The following MRPL32 variants were observed in gnomAD, a reference collection of about 807,000 sequenced individuals.
MRPL32 encodes the protein mitochondrial ribosomal protein L32.
In MRPL32, 14 loss-of-function variants were observed where a neutral mutation model predicts 21.7. The observed-to-expected ratio is 0.64, with a 90% CI of 0.43 to 1.01. The LOEUF is 1.01. Among genes scored for constraint, MRPL32 ranks in the 50% least tolerant of loss-of-function variants. The probability of loss-of-function intolerance (pLI) is 0.00; values close to 1 mark genes in which losing one functional copy is unlikely to be tolerated. For missense variants in MRPL32, 211 were observed against 235.9 expected (o/e 0.89, Z 0.69); for synonymous variants, 83 against 87.7 (o/e 0.95, Z 0.30).
intron 2 of MRPL32, chr7:42,935,861 C>T (rs1786414612): frequency 6.6e-6 from 1 of 152,080 alleles, no homozygotes; most frequent in South Asian, 2.1e-4. Context: ...TTCAGATTCT[C>T]CTCGCTGACA....
At position 42,937,324 on chromosome 7, in the gene MRPL32, C is replaced by A. The variant is rs965717905; in HGVS notation, c.315C>A (p.Asn105Lys). ...CGTTTTTGTTTATTGTTTTAAAGAACAACATAGACGTTTGTCCTGAATGTG... is the reference window on the plus strand; with the variant it reads ...CGTTTTTGTTTATTGTTTTAAAGAAAAACATAGACGTTTGTCCTGAATGTG... The part of the protein sequence containing the change: ...RNPQKLIKVK[N>K]NIDVCPECGH... Residue 105 changes from asparagine (N) to lysine (K), a missense_variant and splice_region_variant, in exon 3 of 3, where the codon AAC becomes AAA. Coordinates refer to ENST00000223324, the MANE Select transcript of MRPL32 (RefSeq NM_031903.3). The A allele has an allele frequency of 6.2e-7, 1 of 1,613,740 alleles. No homozygotes were observed. The highest frequency in any genetic ancestry group is 8.5e-7 in the Non-Finnish European group (1 of 1,179,854).
In MRPL32 at chr7:42,932,534, C is replaced by A; in HGVS notation, c.130+18C>A. ...TCCGTGGGGTAGGTAAAGAAGGGCTCCGTGGGAGAGGGGGCTGATGACGGG... is the reference window on the plus strand; with the variant it reads ...TCCGTGGGGTAGGTAAAGAAGGGCTACGTGGGAGAGGGGGCTGATGACGGG... On this transcript the variant is annotated intron_variant, in intron 1 of 2. Transcript: ENST00000223324. The A allele has an allele frequency of 6.3e-7, 1 of 1,582,976 alleles. No homozygotes were observed. The highest frequency in any genetic ancestry group is 8.6e-7 in the Non-Finnish European group (1 of 1,159,044).
At position 42,932,433 on chromosome 7, in the gene MRPL32, C is replaced by T. The variant is rs747220889; in HGVS notation, c.47C>T (p.Ala16Val). 3.2e-5 allele frequency: 51 copies of T among 1,611,728 alleles called. No individual in the cohort carries two copies. Among genetic ancestry groups the T allele is most frequent in the Non-Finnish European group, 4.2e-5 (49 of 1,178,766 alleles). Residue 16 changes from alanine (A) to valine (V), a missense_variant, in exon 1 of 3, where the codon GCC becomes GTC. By Grantham distance (64) the Ala-to-Val change is moderately conservative (BLOSUM62 0). Coordinates refer to ENST00000223324, the MANE Select transcript of MRPL32 (RefSeq NM_031903.3). ...LVLVVSPWSA[A>V]RGVLRNYWER... The stretch of plus-strand genomic sequence containing the variant: ...TTGGTGGTTTCGCCGTGGTCTGCGG[C>T]CCGGGGAGTGCTTCGAAACTACTGG...
intron 1 of MRPL32, among the ~76,000 whole-genome samples, chr7:42,932,870 A>T (rs780401078): frequency 2.9e-4 from 44 of 152,022 alleles, no homozygotes; most frequent in Non-Finnish European, 5.7e-4. Context: ...GTTTGTGCAG[A>T]GGTGACTTTG....
chr7:42,936,157 A>G (rs181706636), intron 2 of MRPL32: 2 of 152,332 alleles, frequency 1.3e-5, no homozygotes, highest in Non-Finnish European at 2.9e-5. Context: ...ATTACTTAAG[A>G]CTTACAGTAA....
chr7:42,935,394 C>T, intron 2 of MRPL32: 1 of 301,578 alleles, frequency 3.3e-6, no homozygotes, highest in Non-Finnish European at 6.2e-6. Context: ...CTGTGAGGTG[C>T]CTACATGACT....
chr7:42,933,264 G>C (rs1034463576), intron 1 of MRPL32, among the ~76,000 whole-genome samples: 19 of 152,094 alleles, frequency 1.2e-4, no homozygotes, highest in Non-Finnish European at 2.5e-4. Context: ...CACTTTAAAG[G>C]GGGGGCCGAG....
chr7:42,933,676 A>C (rs953429703), intron 1 of MRPL32, among the ~76,000 whole-genome samples: 1 of 152,234 alleles, frequency 6.6e-6, no homozygotes, highest in African/African-American at 2.4e-5. Flanking sequence ...ATTTCTAAGC[A>C]GCCTGAAAGT....
chr7:42,932,845 C>T (rs1378156466), intron 1 of MRPL32, among the ~76,000 whole-genome samples: 1 of 115,988 alleles, frequency 8.6e-6, no homozygotes, highest in Non-Finnish European at 2.0e-5. Flanking sequence ...AGGTAAAGAG[C>T]TGAGCTCCAT....
chr7:42,934,338 A>T (rs2128675991), intron 1 of MRPL32, among the ~76,000 whole-genome samples: 2 of 152,204 alleles, frequency 1.3e-5, no homozygotes, highest in East Asian at 3.9e-4. Context: ...TTGATTTTAT[A>T]AGCAATTCAG....
chr7:42,937,760 CA>C lies in MRPL32; in HGVS notation c.*187del, dbSNP rs1311145914. The C allele has an allele frequency of 3.8e-6, 2 of 520,506 alleles. No homozygotes were observed. Among genetic ancestry groups the C allele is most frequent in the Non-Finnish European group, 6.4e-6 (2 of 310,516 alleles). The allele number at this position is 520,506 out of a possible 1,614,324, so 32.2% of individuals were successfully genotyped here. A position where few individuals can be genotyped will look rare whatever the true frequency, so the allele number is the denominator to read the frequency against. On this transcript the variant is annotated 3_prime_UTR_variant, in exon 3 of 3. Coordinates refer to ENST00000223324, the MANE Select transcript of MRPL32 (RefSeq NM_031903.3). Reference sequence around the variant, plus strand: ...GTAAACTCCGAAAATTTTGTTTATCCAAAGGCTCAATGGATTATGTTTCTAT... The same window carrying C: ...GTAAACTCCGAAAATTTTGTTTATCCAAGGCTCAATGGATTATGTTTCTAT...
rs1278438492 is a variant in MRPL32, at chr7:42,935,323, C to T, written c.312+187C>T. 8.2e-6 allele frequency: 4 copies of T among 489,788 alleles called. No individual in the cohort carries two copies. The Admixed American group carries it at 1.2e-4, about 14-fold the overall frequency. 30.3% of individuals were successfully genotyped at this position (489,788 alleles called of 1,614,324 possible). On this transcript the variant is annotated intron_variant, in intron 2 of 2. Coordinates refer to ENST00000223324, the MANE Select transcript of MRPL32 (RefSeq NM_031903.3). ...AAGGCTAGAGCCTGCTGTCCTCTAG[C>T]CTGAGTATTAGAAACACAGTCAAGG...
chr7:42,936,873 GAAGTCAACT>G, intron 2 of MRPL32: 1 of 250,406 alleles, frequency 4.0e-6, no homozygotes, highest in Non-Finnish European at 8.0e-6. Flanking sequence ...GGAAGCCAAG[GAAGTCAACT>G]TGTAATGTTC....
At chr7:42,932,573 TAGCAGACGC>T in intron 1 of MRPL32, 57 bp downstream of exon 1, 1 of 1,520,968 alleles carries the variant, frequency 6.6e-7, no homozygotes, top group East Asian at 2.4e-5. Context: ...TCGGGCAGCG[TAGCAGACGC>T]AGCTTACACA....
intron 1 of MRPL32, among the ~76,000 whole-genome samples, chr7:42,932,995 G>A (rs1321859681): frequency 6.6e-6 from 1 of 152,198 alleles, no homozygotes; most frequent in African/African-American, 2.4e-5. Flanking sequence ...CTGCTAGCTC[G>A]CAGTTGTCTT....
chr7:42,937,647 T>C lies in MRPL32; in HGVS notation c.*71T>C. On this transcript the variant is annotated 3_prime_UTR_variant, in exon 3 of 3. Coordinates refer to ENST00000223324, the MANE Select transcript of MRPL32 (RefSeq NM_031903.3). ...TGAAATAGAGGAAGATTCTTTATGT[T>C]GTTGTGCTTGTTTTTAAATCATCAG... is the stretch of plus-strand genomic sequence containing the variant. 6 of 1,416,408 alleles carry C rather than the reference T, an allele frequency of 4.2e-6. No individual in the cohort carries two copies. The highest frequency in any genetic ancestry group is 1.4e-5 in the African/African-American group (1 of 69,542). The allele number at this position is 1,416,408 out of a possible 1,614,324, so 87.7% of individuals were successfully genotyped here.
intron 2 of MRPL32, 116 bp downstream of exon 2, chr7:42,935,252 C>T (rs1157673693): frequency 3.5e-6 from 3 of 857,374 alleles, no homozygotes; most frequent in East Asian, 2.7e-5. Context: ...GTCTACTTTC[C>T]TCTGGCCTAA....
chr7:42,937,049 T>C (rs944370425), intron 2 of MRPL32: 8 of 573,436 alleles, frequency 1.4e-5, no homozygotes, highest in Non-Finnish European at 2.1e-5. Context: ...AGTATTTCTT[T>C]TTTCTTTTTT....
rs949297505 is a variant in MRPL32, at chr7:42,937,777, A to ATGTT, written c.*203_*206dup. 6.4e-6 allele frequency: 3 copies of ATGTT among 469,186 alleles called. No individual in the cohort carries two copies. The highest frequency in any genetic ancestry group is 5.9e-5 in the African/African-American group (3 of 50,696). The allele number at this position is 469,186 out of a possible 1,614,324, so 29.1% of individuals were successfully genotyped here. On this transcript the variant is annotated 3_prime_UTR_variant, in exon 3 of 3. Coordinates refer to ENST00000223324, the MANE Select transcript of MRPL32 (RefSeq NM_031903.3). Reference sequence around the variant, plus strand: ...TGTTTATCCAAAGGCTCAATGGATTATGTTTCTATTATATACAAGGTTTTA... The same window carrying ATGTT: ...TGTTTATCCAAAGGCTCAATGGATTATGTTTGTTTCTATTATATACAAGGTTTTA...
Sources: allele counts gnomAD v4.1 joint callset (sites outside exome capture counted in the v4.1 genomes callset), GRCh38; gene constraint gnomAD v4.1.1; transcripts MANE v1.5; gene names NCBI Gene and HGNC (gene_info 2026-07-23, HGNC 2026-07-21).